Variants in WNK3 observed in about 807,000 individuals in gnomAD.
WNK3 encodes the protein serine/threonine-protein kinase WNK3.
A neutral mutation model predicts 116.7 loss-of-function variants in WNK3; 18 were observed. The ratio of observed to expected loss-of-function variants is 0.15; its 90% CI spans 0.11 to 0.23. The LOEUF is 0.23. Ranked by LOEUF, WNK3 falls within the 10% of genes least tolerant of loss-of-function variation. The probability of loss-of-function intolerance (pLI) is 1.00; values close to 1 mark genes in which losing one functional copy is unlikely to be tolerated. For missense variants in WNK3, 993 were observed against 1,323.8 expected, an observed-to-expected ratio of 0.75 and a Z score of 3.88; for synonymous variants, 404 against 469.4, an observed-to-expected ratio of 0.86 and a Z score of 1.80.
At chrX:54,258,768 T>C (rs1453455487) in intron 11 of WNK3, among the ~76,000 whole-genome samples, 4 of 104,888 alleles carry the variant, frequency 3.8e-5, no homozygotes, top group Middle Eastern at 5.3e-3. Flanking sequence ...ATAGAAAGTA[T>C]AGAAATAAAC....
chrX:54,275,946 G>C (rs1557160639), intron 10 of WNK3, among the ~76,000 whole-genome samples: 1 of 110,311 alleles, frequency 9.1e-6, no homozygotes, highest in East Asian at 2.8e-4. Context: ...GAAATGAAGA[G>C]GGATATAATA....
At chrX:54,216,417 G>C (rs1409440854) in intron 22 of WNK3, among the ~76,000 whole-genome samples, 1 of 109,499 alleles carries the variant, frequency 9.1e-6, no homozygotes, top group African/African-American at 3.3e-5. Context: ...GTGGGATGGA[G>C]AGTAGGGGGC....
chrX:54,225,620 C>CA (rs781823865), intron 22 of WNK3, among the ~76,000 whole-genome samples: 1,034 of 50,745 alleles, frequency 0.02, 26 homozygotes, highest in Admixed American at 0.12. Flanking sequence ...GACTCTGTTT[C>CA]AAAAAAAAAA....
intron 1 of WNK3, among the ~76,000 whole-genome samples, chrX:54,335,508 T>G: frequency 9.0e-6 from 1 of 111,599 alleles, no homozygotes. Context: ...ACCACAATCA[T>G]GCACTGCAAA....
intron 22 of WNK3, among the ~76,000 whole-genome samples, chrX:54,207,091 T>C (rs1373640608): frequency 2.1e-5 from 2 of 97,247 alleles, no homozygotes; most frequent in Non-Finnish European, 4.2e-5. Flanking sequence ...AAATGCTGCT[T>C]AAAAAAAAAA....
chrX:54,317,158 CTTT>C (rs782412506), intron 2 of WNK3, among the ~76,000 whole-genome samples: 1 of 98,497 alleles, frequency 1.0e-5, no homozygotes. Context: ...ATGGATGAAT[CTTT>C]TTTTTTTTTT....
At chrX:54,238,307 C>A in intron 19 of WNK3, 35 bp downstream of exon 19, 5 of 1,191,191 alleles carry the variant, frequency 4.2e-6, no homozygotes, top group Non-Finnish European at 5.6e-6. Flanking sequence ...TTTTATAATG[C>A]CCTTGTAGAT....
At chrX:54,266,734 A>C (rs1292774831) in intron 10 of WNK3, among the ~76,000 whole-genome samples, 5 of 109,086 alleles carry the variant, frequency 4.6e-5, no homozygotes, top group Non-Finnish European at 7.6e-5. Context: ...TATATATATA[A>C]TTTTATTTAC....
At chrX:54,196,048 T>C (rs1363206916) in exon 24 of WNK3, 1 of 111,524 alleles carries the variant, frequency 9.0e-6, no homozygotes, top group Non-Finnish European at 1.9e-5. Flanking sequence ...TTATAGGTTG[T>C]ATGGCTCGGT....
chrX:54,310,309 G>A (rs1557169445), intron 3 of WNK3, among the ~76,000 whole-genome samples: 2 of 110,171 alleles, frequency 1.8e-5, no homozygotes, highest in Admixed American at 2.0e-4. Flanking sequence ...GGGAGGCTGA[G>A]GTGGGCAGAT....
At chrX:54,330,059 G>GT (rs1476929275) in intron 2 of WNK3, among the ~76,000 whole-genome samples, 1 of 111,181 alleles carries the variant, frequency 9.0e-6, no homozygotes, top group Non-Finnish European at 1.9e-5. Flanking sequence ...GGGCAAAATA[G>GT]TAAGACTTCA....
intron 6 of WNK3, among the ~76,000 whole-genome samples, chrX:54,301,549 C>T (rs2068758818): frequency 9.0e-6 from 1 of 111,179 alleles, no homozygotes; most frequent in African/African-American, 3.3e-5. Flanking sequence ...GGCACACACA[C>T]ACACAAACGC....
At chrX:54,288,199 G>A (rs1218799060) in intron 10 of WNK3, among the ~76,000 whole-genome samples, 1 of 111,540 alleles carries the variant, frequency 9.0e-6, no homozygotes, top group African/African-American at 3.3e-5. Flanking sequence ...AGTGCCTGAA[G>A]TACTTGAGGC....
chrX:54,231,114 A>C (rs2067895023), intron 21 of WNK3, among the ~76,000 whole-genome samples: 2 of 112,521 alleles, frequency 1.8e-5, no homozygotes, highest in Non-Finnish European at 3.7e-5. Context: ...GGGAAAGCAG[A>C]AACTATGCAT....
intron 1 of WNK3, among the ~76,000 whole-genome samples, chrX:54,344,836 C>G (rs1254737523): frequency 9.5e-6 from 1 of 105,746 alleles, no homozygotes; most frequent in African/African-American, 3.5e-5. Context: ...CCCAGCTACT[C>G]GTGAGGCTGA....
intron 1 of WNK3, among the ~76,000 whole-genome samples, chrX:54,345,042 G>T (rs2069395156): frequency 9.1e-6 from 1 of 109,327 alleles, no homozygotes; most frequent in African/African-American, 3.3e-5. Flanking sequence ...GAGGTCAGGA[G>T]GTCCAGATCA....
chrX:54,196,294 CAG>C (rs2067442302), exon 24 of WNK3: 1 of 110,964 alleles, frequency 9.0e-6, no homozygotes, highest in African/African-American at 3.3e-5. Context: ...TGAAAAGAAA[CAG>C]TGGATCTTAT....
chrX:54,247,920 A>G (rs2068088703), intron 17 of WNK3, among the ~76,000 whole-genome samples: 1 of 111,753 alleles, frequency 8.9e-6, no homozygotes, highest in Admixed American at 9.6e-5. Context: ...GCAGAAAAGG[A>G]AAATTAAAGT....
chrX:54,343,133 G>A (rs1020758289), intron 1 of WNK3, among the ~76,000 whole-genome samples: 1 of 110,893 alleles, frequency 9.0e-6, no homozygotes, highest in South Asian at 3.9e-4. Flanking sequence ...TTATAGGCAT[G>A]AGTCACCATG....
Sources: gnomAD v4.1 joint callset for allele counts (sites outside exome capture counted in the v4.1 genomes callset) on GRCh38, gnomAD v4.1.1 for gene constraint, MANE v1.5 for transcripts, NCBI Gene and HGNC (gene_info 2026-07-23, HGNC 2026-07-21) for gene names.